The following ANKRD16 variants were observed in gnomAD, a reference collection of about 807,000 sequenced individuals.
The protein encoded by ANKRD16 is ankyrin repeat domain 16, also known as ankyrin repeat domain-containing protein 16.
A neutral mutation model predicts 37.9 loss-of-function variants in ANKRD16; 35 were observed. The ratio of observed to expected loss-of-function variants is 0.92; its 90% confidence interval spans 0.71 to 1.23. ANKRD16 has a LOEUF of 1.23. Among genes scored for constraint, ANKRD16 ranks in the 50% most tolerant of loss-of-function variants. The probability of loss-of-function intolerance (pLI) is 0.00; values close to 1 mark genes in which losing one functional copy is unlikely to be tolerated. For missense variants in ANKRD16, 480 were observed against 469.9 expected, an observed-to-expected ratio of 1.02 and a Z score of -0.20; for synonymous variants, 206 against 197.2, an observed-to-expected ratio of 1.04 and a Z score of -0.37.
chr10:5,880,810 G>C (rs369127919), intron 5 of ANKRD16, among the ~76,000 whole-genome samples: 2 of 152,292 alleles, frequency 1.3e-5, no homozygotes. Context: ...TCAGCTTTCA[G>C]CTTAATTTTT....
intron 7 of ANKRD16, among the ~76,000 whole-genome samples, chr10:5,873,572 T>G (rs1053843394): frequency 1.3e-5 from 2 of 152,184 alleles, no homozygotes; most frequent in African/African-American, 4.8e-5. Context: ...ATCTTCTGTA[T>G]TTTACAATAG....
intron 6 of ANKRD16, among the ~76,000 whole-genome samples, chr10:5,879,201 C>T (rs951755225): frequency 6.6e-6 from 1 of 152,008 alleles, no homozygotes; most frequent in African/African-American, 2.4e-5. Context: ...AGGCCAGGCG[C>T]GGTGGCTCAT....
In ANKRD16 at chr10:5,874,392, C is replaced by A. The variant is rs1842154242; in HGVS notation, c.*33+3705G>T. The stretch of plus-strand genomic sequence containing the variant: ...GGTCACATTAGTGAGAACGCCCTGG[C>A]AGCCATGTGGAGGGTGGATTTGAGG... On this transcript the variant is annotated intron_variant, in intron 7 of 7. Coordinates refer to ENST00000380094, the MANE Select transcript of ANKRD16 (RefSeq NM_019046.3). The surrounding 1 kb of genome is among the most constrained non-coding windows in gnomAD (Gnocchi z 4.7). Among the ~76,000 whole-genome samples, 1 of 152,190 alleles carries A rather than the reference C, an allele frequency of 6.6e-6. No homozygotes were observed. Among genetic ancestry groups the A allele is most frequent in the Non-Finnish European group, 1.5e-5 (1 of 68,040 alleles).
intron 7 of ANKRD16, among the ~76,000 whole-genome samples, chr10:5,872,339 C>T (rs1165168676): frequency 2.0e-5 from 3 of 151,596 alleles, no homozygotes; most frequent in Non-Finnish European, 4.4e-5. Flanking sequence ...ATTAGCCAGG[C>T]ATGGTGGAGG....
rs61729847 is a variant in ANKRD16, at chr10:5,883,084, G to A, written c.771C>T (p.Phe257=). Residue 257 remains phenylalanine (F), a synonymous_variant, in exon 5 of 8, where the codon TTC becomes TTT. Coordinates refer to ENST00000380094, the MANE Select transcript of ANKRD16 (RefSeq NM_019046.3). The part of the protein sequence containing the change: ...AVTGQDEAIR[F]LVSELGVDVD... ...CATCGACGCCAAGTTCAGAGACCAA[G>A]AATCGGATGGCTTCGTCCTGCCCTG... 8,320 of 1,614,122 alleles carry A rather than the reference G, an allele frequency of 5.2e-3. 75 individuals carry two copies. The highest frequency in any genetic ancestry group is 0.04 in the African/African-American group (3,015 of 75,060).
In ANKRD16 at chr10:5,878,045, C is replaced by T. The variant is rs2131766882; in HGVS notation, c.*33+52G>A. On this transcript the variant is annotated intron_variant, in intron 7 of 7. Transcript: ENST00000380094. The surrounding 1 kb of genome is among the most constrained non-coding windows in gnomAD (Gnocchi z 5.1). ...GTGGAGGAGATGGAAAACTGGCTTC[C>T]AACTGGTTTCGCTGAATCTGTGACT... 1 of 1,527,754 alleles carries T rather than the reference C, an allele frequency of 6.5e-7. No homozygotes were observed. Among genetic ancestry groups the T allele is most frequent in the Non-Finnish European group, 8.8e-7 (1 of 1,132,792 alleles). The allele number at this position is 1,527,754 out of a possible 1,614,324, so 94.6% of individuals were successfully genotyped here.
intron 5 of ANKRD16, among the ~76,000 whole-genome samples, chr10:5,881,444 ATATATATAT>A (rs1564417921): frequency 0.068 from 7,685 of 112,978 alleles, 1,011 homozygotes; most frequent in African/African-American, 0.23. Flanking sequence ...TTATTTATAT[ATATATATAT>A]ATATATATAT....
rs958815150 is a variant in ANKRD16 at position 5,882,266 on chromosome 10, G to A, written c.849+740C>T. Among the ~76,000 whole-genome samples, 15 of 151,832 alleles carry A rather than the reference G, an allele frequency of 9.9e-5. 1 individual carries two copies. Among genetic ancestry groups the A allele is most frequent in the Admixed American group, 5.9e-4 (9 of 15,214 alleles). ...AATTGATCAGAAAAACAAGTAGGCC[G>A]GGCATGGTGGCTCACGCCTGTAATC... On this transcript the variant is annotated intron_variant, in intron 5 of 7. Transcript: ENST00000380094.
chr10:5,882,018 G>A (rs891028845), intron 5 of ANKRD16, among the ~76,000 whole-genome samples: 2 of 151,800 alleles, frequency 1.3e-5, no homozygotes, highest in Non-Finnish European at 2.9e-5. Flanking sequence ...TGATCCGCCC[G>A]CCTTGGCCTC....
rs1404063451 is a variant in ANKRD16 at position 5,865,538 on chromosome 10, C to T, written c.*34-2847G>A. Among the ~76,000 whole-genome samples, 2 of 152,182 alleles carry T rather than the reference C, an allele frequency of 1.3e-5. No homozygotes were observed. The highest frequency in any genetic ancestry group is 4.8e-5 in the African/African-American group (2 of 41,440). The stretch of plus-strand genomic sequence containing the variant: ...CCTTGAGGTCTGTTACCATCTGAGG[C>T]TCAGTGTTAATCTCCTGTCCCAGAC... On this transcript the variant is annotated intron_variant, in intron 7 of 7. Coordinates refer to ENST00000380094, the MANE Select transcript of ANKRD16 (RefSeq NM_019046.3). The surrounding 1 kb of genome is among the most constrained non-coding windows in gnomAD (Gnocchi z 4.7).
chr10:5,878,655 G>A lies in ANKRD16; in HGVS notation c.929-368C>T, dbSNP rs146658047. On this transcript the variant is annotated intron_variant, in intron 6 of 7. Coordinates refer to ENST00000380094, the MANE Select transcript of ANKRD16 (RefSeq NM_019046.3). This position sits in a 1 kb window ranked among gnomAD's most constrained non-coding sequence, Gnocchi z 5.1. ...TCTAATAAAAATTAAAAAATTAGCC[G>A]GGCGTGGTGGTGCATGCCTGTAATC... 6.3e-3 allele frequency among the ~76,000 whole-genome samples: 950 copies of A among 151,914 alleles called. 9 individuals carry two copies. The highest frequency in any genetic ancestry group is 0.021 in the African/African-American group (877 of 41,394).
At position 5,888,034 on chromosome 10, in the gene ANKRD16, G is replaced by C; in HGVS notation, c.348C>G (p.Asn116Lys). The stretch of plus-strand genomic sequence containing the variant: ...CCACCAGCTCCTGGATCACCCCCAG[G>C]TTCTTCCTTGTGCAGGCCATCATCA... ...TPLMMACTRK[N>K]LGVIQELVEH... Residue 116 changes from asparagine to lysine, a missense_variant, in exon 2 of 8, where the codon AAC becomes AAG. Physicochemically the swap from Asn to Lys is moderately conservative, Grantham distance 94. Coordinates refer to ENST00000380094, the MANE Select transcript of ANKRD16 (RefSeq NM_019046.3). 1.2e-6 allele frequency: 2 copies of C among 1,614,138 alleles called. No homozygotes were observed. The highest frequency in any genetic ancestry group is 1.7e-6 in the Non-Finnish European group (2 of 1,179,996).
At chr10:5,876,415 T>G (rs1297376718) in intron 7 of ANKRD16, among the ~76,000 whole-genome samples, 1 of 152,182 alleles carries the variant, frequency 6.6e-6, no homozygotes, top group African/African-American at 2.4e-5. Context: ...CTCATGTGTG[T>G]GCTGAGGGGA....
intron 7 of ANKRD16, among the ~76,000 whole-genome samples, chr10:5,873,614 G>C (rs1428328549): frequency 6.6e-6 from 1 of 152,126 alleles, no homozygotes; most frequent in African/African-American, 2.4e-5. Flanking sequence ...GAGATTAAAA[G>C]GGACATTTTT....
Position 5,862,945 on chromosome 10 carries a change from C to G in ANKRD16, c.*34-254G>C, listed in dbSNP as rs1297557270. The stretch of plus-strand genomic sequence containing the variant: ...CTGTACCAGACACTGTGCTAAATGA[C>G]CCTTCTGCTCTGTTTGCCTGGAAAA... On this transcript the variant is annotated intron_variant, in intron 7 of 7. Transcript: ENST00000380094. The surrounding 1 kb of genome is among the most constrained non-coding windows in gnomAD (Gnocchi z 6.5). Among the ~76,000 whole-genome samples the G allele has an allele frequency of 2.0e-5, 3 of 152,114 alleles. No individual in the cohort carries two copies. Among genetic ancestry groups the G allele is most frequent in the Non-Finnish European group, 4.4e-5 (3 of 68,032 alleles).
In ANKRD16 at chr10:5,875,710, GTTCTT is replaced by G. The variant is rs996658753; in HGVS notation, c.*33+2382_*33+2386del. 8.9e-5 allele frequency among the ~76,000 whole-genome samples: 10 copies of G among 112,816 alleles called. No homozygotes were observed. The East Asian group carries it at 1.6e-3, about 18-fold the overall frequency. The allele number at this position is 112,816 out of a possible 152,430, so 74.0% of individuals were successfully genotyped here. A position where few individuals can be genotyped will look rare whatever the true frequency, so the allele number is the denominator to read the frequency against. On this transcript the variant is annotated intron_variant, in intron 7 of 7. Transcript: ENST00000380094. ...TGCTACTCTCTTTGCTGCAATTAAT[GTTCTT>G]TTTTTTTTTTTTTTTGAGACAGAGT... is the stretch of plus-strand genomic sequence containing the variant.
Position 5,868,334 on chromosome 10 carries a change from C to G in ANKRD16, c.*34-5643G>C, listed in dbSNP as rs1842043606. On this transcript the variant is annotated intron_variant, in intron 7 of 7. Transcript: ENST00000380094. The surrounding 1 kb of genome is among the most constrained non-coding windows in gnomAD (Gnocchi z 4.9). ...TGCAGGGACCCTTCTTTGCCCCTAT[C>G]CAGCAGGAAGTAGCTAGAATGGTCA... Among the ~76,000 whole-genome samples, 1 of 152,154 alleles carries G rather than the reference C, an allele frequency of 6.6e-6. No individual in the cohort carries two copies. The highest frequency in any genetic ancestry group is 2.1e-4 in the South Asian group (1 of 4,828).
In ANKRD16 at chr10:5,889,046, G is replaced by A; in HGVS notation, c.309C>T (p.Ala103=). The change falls in exon 1 of 8, where the codon GCC becomes GCT. Residue 103 remains alanine, a synonymous_variant. Coordinates refer to ENST00000380094, the MANE Select transcript of ANKRD16 (RefSeq NM_019046.3). The part of the protein sequence containing the change: ...RGAAVDCLKK[A]DWTPLMMACT... Reference sequence around the variant, plus strand: ...TCTTTCCGCTCCACACCTACCAGTCGGCCTTCTTCAGGCAGTCGACCGCTG... The same window carrying A: ...TCTTTCCGCTCCACACCTACCAGTCAGCCTTCTTCAGGCAGTCGACCGCTG... The A allele has an allele frequency of 6.5e-7, 1 of 1,536,354 alleles. No individual in the cohort carries two copies. Among genetic ancestry groups the A allele is most frequent in the Non-Finnish European group, 8.7e-7 (1 of 1,147,520 alleles).
chr10:5,879,443 G>A (rs961110693), intron 6 of ANKRD16, among the ~76,000 whole-genome samples: 2 of 151,820 alleles, frequency 1.3e-5, no homozygotes, highest in Admixed American at 6.6e-5. Context: ...CCTCCAGACT[G>A]GGTGACAGAG....
Sources: allele counts gnomAD v4.1 joint callset (sites outside exome capture counted in the v4.1 genomes callset), GRCh38; gene constraint gnomAD v4.1.1; non-coding constraint Gnocchi (gnomAD v3.1); transcripts MANE v1.5; gene names NCBI Gene and HGNC (gene_info 2026-07-23, HGNC 2026-07-21).